The following PHTF2 variants were observed in gnomAD, a reference collection of about 807,000 sequenced individuals.
PHTF2 encodes the protein putative homeodomain transcription factor 2, also known as protein PHTF2.
Under a neutral mutation model 101.2 loss-of-function variants are expected in PHTF2, and 60 were observed. That is an observed-to-expected ratio of 0.59 (90% CI 0.48 to 0.73). PHTF2 has a LOEUF of 0.73. Among genes scored for constraint, PHTF2 ranks in the 30% least tolerant of loss-of-function variants. PHTF2 has a pLI of 0.00. For missense variants in PHTF2, 747 were observed against 908.7 expected (o/e 0.82, Z 2.29); for synonymous variants, 311 against 307.3 (o/e 1.01, Z -0.13).
At chr7:77,881,537 CT>C (rs1799421142) in intron 3 of PHTF2, among the ~76,000 whole-genome samples, 18 of 146,210 alleles carry the variant, frequency 1.2e-4, no homozygotes, top group African/African-American at 7.6e-5. Context: ...TTTTTTACTT[CT>C]TTTTTCTTTT....
chr7:77,955,132 G>T (rs1806915535), exon 20 of PHTF2: 1 of 249,522 alleles, frequency 4.0e-6, no homozygotes, highest in Admixed American at 5.5e-5. Context: ...CTGATATCCA[G>T]ATACTTGAGA....
intron 2 of PHTF2, among the ~76,000 whole-genome samples, chr7:77,849,587 A>T (rs1412030416): frequency 6.6e-6 from 1 of 152,040 alleles, no homozygotes; most frequent in Non-Finnish European, 1.5e-5. Context: ...TATTTTTTCT[A>T]TTTCTCTGAA....
chr7:77,890,328 T>C (rs749426122), intron 3 of PHTF2, among the ~76,000 whole-genome samples: 1 of 152,192 alleles, frequency 6.6e-6, no homozygotes, highest in East Asian at 1.9e-4. Flanking sequence ...AACCTAGTTA[T>C]GCCAAGGATT....
intron 11 of PHTF2, chr7:77,924,008 A>G: frequency 1.1e-6 from 1 of 888,382 alleles, no homozygotes; most frequent in Non-Finnish European, 1.3e-6. Flanking sequence ...GAAATTACAT[A>G]AATATAAAAT....
At chr7:77,929,709 T>A (rs1382023390) in intron 12 of PHTF2, among the ~76,000 whole-genome samples, 2 of 152,182 alleles carry the variant, frequency 1.3e-5, no homozygotes, top group Non-Finnish European at 2.9e-5. Flanking sequence ...CCCATAGTAA[T>A]GCTATCCAAT....
At chr7:77,932,602 AAG>A (rs777881524) in intron 12 of PHTF2, among the ~76,000 whole-genome samples, 352 of 130,032 alleles carry the variant, frequency 2.7e-3, no homozygotes, top group African/African-American at 8.4e-3. Flanking sequence ...GAGAGAGAGA[AAG>A]AGAGAGAGAG....
intron 16 of PHTF2, among the ~76,000 whole-genome samples, chr7:77,943,225 A>G (rs1805780403): frequency 6.6e-6 from 1 of 152,024 alleles, no homozygotes. Flanking sequence ...GGTTCACGCC[A>G]TTCTCCTGCC....
rs549394909 is a variant in PHTF2, at chr7:77,928,209, C to T, written c.1120-900C>T. Among the ~76,000 whole-genome samples, 164 of 151,706 alleles carry T rather than the reference C, an allele frequency of 1.1e-3. 1 individual carries two copies. Among genetic ancestry groups the T allele is most frequent in the African/African-American group, 3.9e-3 (162 of 41,342 alleles). On this transcript the variant is annotated intron_variant, in intron 11 of 19. Coordinates refer to ENST00000416283, the Ensembl canonical transcript of PHTF2. ...GCCAAAAAAAAAAAAATTGAAGATA[C>T]CTGGCCATAAGGATGACTATGACCA...
At chr7:77,863,074 G>A (rs970551072) in intron 3 of PHTF2, among the ~76,000 whole-genome samples, 1 of 152,150 alleles carries the variant, frequency 6.6e-6, no homozygotes, top group Non-Finnish European at 1.5e-5. Context: ...CAACCTAAAA[G>A]TTTCCCATTT....
At chr7:77,917,667 A>T (rs1234683907) in intron 9 of PHTF2, among the ~76,000 whole-genome samples, 1 of 152,170 alleles carries the variant, frequency 6.6e-6, no homozygotes, top group African/African-American at 2.4e-5. Context: ...TAACCCTGCC[A>T]GGCTGCACCT....
exon 9 of PHTF2, chr7:77,910,280 G>A: frequency 6.2e-7 from 1 of 1,613,556 alleles, no homozygotes; most frequent in Non-Finnish European, 8.5e-7. Context: ...GAAGTACATA[G>A]GGAAGGAGAT....
At chr7:77,824,789 T>C (rs1312737809) in intron 1 of PHTF2, among the ~76,000 whole-genome samples, 1 of 152,020 alleles carries the variant, frequency 6.6e-6, no homozygotes, top group Admixed American at 6.5e-5. Context: ...TCCTAACATT[T>C]TGGGCTGCCA....
chr7:77,938,741 C>T (rs1041140325), intron 13 of PHTF2, among the ~76,000 whole-genome samples: 2 of 152,196 alleles, frequency 1.3e-5, no homozygotes, highest in East Asian at 3.8e-4. Context: ...CACGCCACTG[C>T]ACTCCAGCCT....
chr7:77,839,773 T>G (rs1261471263), intron 1 of PHTF2, among the ~76,000 whole-genome samples: 1 of 152,180 alleles, frequency 6.6e-6, no homozygotes, highest in Admixed American at 6.5e-5. Flanking sequence ...GTTTACTGAG[T>G]GTCAGGGAAA....
intron 3 of PHTF2, among the ~76,000 whole-genome samples, chr7:77,877,115 CTTTT>C (rs200021720): frequency 2.2e-5 from 3 of 137,226 alleles, no homozygotes; most frequent in East Asian, 2.1e-4. Flanking sequence ...TTTTCTCTCT[CTTTT>C]TTTTTTTTTT....
chr7:77,899,492 A>G (rs1801187936), intron 5 of PHTF2, among the ~76,000 whole-genome samples: 1 of 152,156 alleles, frequency 6.6e-6, no homozygotes, highest in Admixed American at 6.5e-5. Flanking sequence ...TCGACTATAT[A>G]TAAAATTATC....
At chr7:77,947,855 TGAGACAGAGTC>T (rs1806210963) in intron 16 of PHTF2, among the ~76,000 whole-genome samples, 1 of 142,646 alleles carries the variant, frequency 7.0e-6, no homozygotes, top group African/African-American at 2.6e-5. Context: ...TTTTTTTTTT[TGAGACAGAGTC>T]TTTGCTCTGT....
At chr7:77,881,497 T>C (rs1799411588) in intron 3 of PHTF2, among the ~76,000 whole-genome samples, 1 of 150,996 alleles carries the variant, frequency 6.6e-6, no homozygotes, top group East Asian at 2.0e-4. Flanking sequence ...CTTGGCTGTC[T>C]TATGGCTCCA....
At chr7:77,818,520 C>T (rs1323954097) in intron 1 of PHTF2, among the ~76,000 whole-genome samples, 1 of 152,196 alleles carries the variant, frequency 6.6e-6, no homozygotes, top group Non-Finnish European at 1.5e-5. Context: ...ATCCTTTCCT[C>T]AATGAGTGTT....
Sources: gnomAD v4.1 joint callset for allele counts (sites outside exome capture counted in the v4.1 genomes callset) on GRCh38, gnomAD v4.1.1 for gene constraint, MANE v1.5 for transcripts, NCBI Gene and HGNC (gene_info 2026-07-23, HGNC 2026-07-21) for gene names.